Variants in PDE4D observed in about 807,000 individuals in gnomAD.
PDE4D encodes the protein 3',5'-cyclic-AMP phosphodiesterase 4D.
PDE4D carries 24 observed loss-of-function variants against 87.4 expected under a neutral mutation model. The ratio of observed to expected loss-of-function variants is 0.27; its 90% CI spans 0.20 to 0.39. PDE4D has a LOEUF of 0.39. Among genes scored for constraint, PDE4D ranks in the 10% least tolerant of loss-of-function variants. The probability of loss-of-function intolerance (pLI) is 1.00; values close to 1 mark genes in which losing one functional copy is unlikely to be tolerated. For missense variants in PDE4D, 714 were observed against 1,041.0 expected (o/e 0.69, Z 4.32); for synonymous variants, 384 against 383.2 (o/e 1.00, Z -0.02).
chr5:59,147,268 A>G (rs1043372761), intron 5 of PDE4D, among the ~76,000 whole-genome samples: 4 of 152,224 alleles, frequency 2.6e-5, no homozygotes, highest in African/African-American at 9.6e-5. Context: ...GGTTTAAAAT[A>G]TTGAATGGTT....
intron 1 of PDE4D, among the ~76,000 whole-genome samples, chr5:59,554,406 G>C (rs1818577983): frequency 6.6e-6 from 1 of 152,104 alleles, no homozygotes; most frequent in Non-Finnish European, 1.5e-5. Context: ...CCTGCCCACA[G>C]ATGGCAAGTG....
At chr5:59,867,342 TA>T (rs35204890) in intron 1 of PDE4D, among the ~76,000 whole-genome samples, 30 of 146,324 alleles carry the variant, frequency 2.1e-4, no homozygotes, top group Middle Eastern at 3.5e-3. Flanking sequence ...CGACTTCAGC[TA>T]AAAAAAAAAG....
Position 60,362,180 on chromosome 5 carries a change from A to T in PDE4D, c.-90+125762T>A, listed in dbSNP as rs181970143. ...TTATACTGAGAGCTCTGCTCAAGAG[A>T]TGTGAAATAAACCAAAAAGTGTCAT... On this transcript the variant is annotated intron_variant, in intron 1 of 16. Transcript: ENST00000502484. 4.9e-4 allele frequency among the ~76,000 whole-genome samples: 74 copies of T among 152,318 alleles called. 1 individual carries two copies. Among genetic ancestry groups the T allele is most frequent in the African/African-American group, 1.7e-3 (70 of 41,570 alleles).
At chr5:60,301,736 A>G (rs1442097892) in intron 1 of PDE4D, among the ~76,000 whole-genome samples, 2 of 152,126 alleles carry the variant, frequency 1.3e-5, no homozygotes, top group Non-Finnish European at 2.9e-5. Context: ...AACTTCCAAT[A>G]CTATGTTGAA....
rs577100796 is a variant in PDE4D at position 59,489,884 on chromosome 5, G to T, written c.456-273916C>A. Among the ~76,000 whole-genome samples, 3 of 152,120 alleles carry T rather than the reference G, an allele frequency of 2.0e-5. No homozygotes were observed. In the South Asian group the frequency reaches 6.2e-4, roughly 32 times the overall value. ...TATAGAGCACATCTTTCTCCATGCCGTTGTTTTCTTACACATATAGTAATG... is the reference window on the plus strand; with the variant it reads ...TATAGAGCACATCTTTCTCCATGCCTTTGTTTTCTTACACATATAGTAATG... On this transcript the variant is annotated intron_variant, in intron 1 of 14. Transcript: ENST00000340635.
chr5:59,070,131 T>C (rs1764532436), intron 5 of PDE4D, among the ~76,000 whole-genome samples: 1 of 152,216 alleles, frequency 6.6e-6, no homozygotes, highest in Non-Finnish European at 1.5e-5. Context: ...TGATGTTACA[T>C]GGTATTCTCA....
At chr5:60,511,562 G>A (rs1750575233) in intron 1 of PDE4D, among the ~76,000 whole-genome samples, 1 of 149,588 alleles carries the variant, frequency 6.7e-6, no homozygotes, top group Admixed American at 6.7e-5. Context: ...TGCCATATAT[G>A]AATATGATAC....
chr5:59,159,948 A>G (rs980454065), intron 5 of PDE4D, among the ~76,000 whole-genome samples: 2 of 152,198 alleles, frequency 1.3e-5, no homozygotes, highest in African/African-American at 4.8e-5. Context: ...GTAGGGGAAA[A>G]AAAAGTCCTC....
chr5:59,163,191 C>T (rs996484173), intron 5 of PDE4D, among the ~76,000 whole-genome samples: 10 of 151,734 alleles, frequency 6.6e-5, no homozygotes, highest in African/African-American at 2.4e-4. Flanking sequence ...ATCGATCCGC[C>T]TGCCTCGGCC....
At chr5:60,253,202 G>T (rs1748667699) in intron 1 of PDE4D, among the ~76,000 whole-genome samples, 1 of 151,850 alleles carries the variant, frequency 6.6e-6, no homozygotes, top group Admixed American at 6.6e-5. Flanking sequence ...TTTAATTTTT[G>T]ATCTGAGCTC....
intron 1 of PDE4D, among the ~76,000 whole-genome samples, chr5:59,716,364 CG>C (rs1028317292): frequency 6.6e-6 from 1 of 152,178 alleles, no homozygotes; most frequent in Non-Finnish European, 1.5e-5. Flanking sequence ...CAGTTCCTCA[CG>C]TGTTTTTCCA....
intron 1 of PDE4D, among the ~76,000 whole-genome samples, chr5:59,307,559 C>G (rs1215785845): frequency 6.6e-6 from 1 of 152,080 alleles, no homozygotes; most frequent in African/African-American, 2.4e-5. Context: ...AGGATATGAA[C>G]AGACACTTCT....
chr5:60,271,261 TC>T (rs1750782640), intron 1 of PDE4D, among the ~76,000 whole-genome samples: 1 of 152,188 alleles, frequency 6.6e-6, no homozygotes, highest in Admixed American at 6.5e-5. Context: ...CTAACTGTTT[TC>T]CTGTGGTTGG....
At chr5:59,895,619 C>A (rs1751551252), upstream of PDE4D, among the ~76,000 whole-genome samples, 1 of 152,230 alleles carries the variant, frequency 6.6e-6, no homozygotes, top group Non-Finnish European at 1.5e-5. Flanking sequence ...AAGTGTTCTG[C>A]AGTATAGACT....
At chr5:59,046,599 G>A (rs897378789) in intron 5 of PDE4D, among the ~76,000 whole-genome samples, 1 of 151,824 alleles carries the variant, frequency 6.6e-6, no homozygotes, top group Non-Finnish European at 1.5e-5. Flanking sequence ...TGGTCTAAAG[G>A]GTAACTCCAA....
At chr5:59,718,145 A>G (rs1235396046) in intron 1 of PDE4D, among the ~76,000 whole-genome samples, 1 of 152,090 alleles carries the variant, frequency 6.6e-6, no homozygotes, top group Non-Finnish European at 1.5e-5. Flanking sequence ...TTTATCTTCA[A>G]TGCCTCTCTG....
chr5:59,792,041 G>A (rs1378394001), intron 1 of PDE4D, among the ~76,000 whole-genome samples: 1 of 152,202 alleles, frequency 6.6e-6, no homozygotes, highest in African/African-American at 2.4e-5. Context: ...GAAAATAGAA[G>A]AGGGACCTTA....
At chr5:60,417,930 A>G (rs1406913885) in intron 1 of PDE4D, among the ~76,000 whole-genome samples, 1 of 151,632 alleles carries the variant, frequency 6.6e-6, no homozygotes, top group Non-Finnish European at 1.5e-5. Flanking sequence ...AACATTAAAG[A>G]TAAACACTTC....
intron 1 of PDE4D, among the ~76,000 whole-genome samples, chr5:60,210,335 G>A (rs1657817758): frequency 6.6e-6 from 1 of 151,686 alleles, no homozygotes; most frequent in South Asian, 2.1e-4. Context: ...TCAAAAAAGA[G>A]ATGTCTCATT....
Sources: gnomAD v4.1 joint callset for allele counts (sites outside exome capture counted in the v4.1 genomes callset) on GRCh38, gnomAD v4.1.1 for gene constraint, MANE v1.5 for transcripts, NCBI Gene and HGNC (gene_info 2026-07-23, HGNC 2026-07-21) for gene names.